ARHGAP12: variants seen among roughly 807,000 people sequenced by gnomAD.
ARHGAP12 encodes the protein rho GTPase-activating protein 12.
Under a neutral mutation model 108.6 loss-of-function variants are expected in ARHGAP12, and 64 were observed. That is an observed-to-expected ratio of 0.59 (90% confidence interval 0.48 to 0.73). The LOEUF (loss-of-function observed/expected upper bound fraction) is 0.73, where lower values mean the gene tolerates loss of function less well. ARHGAP12 is among the 30% of genes least tolerant of loss of function. The pLI, the probability that ARHGAP12 is intolerant of heterozygous loss-of-function variation, is 0.00. For missense variants in ARHGAP12, 940 were observed against 1,005.9 expected, an observed-to-expected ratio of 0.93 and a Z score of 0.89; for synonymous variants, 312 against 337.2, an observed-to-expected ratio of 0.93 and a Z score of 0.82.
chr10:31,822,450 A>C (rs982892243), intron 11 of ARHGAP12, among the ~76,000 whole-genome samples: 2 of 152,242 alleles, frequency 1.3e-5, no homozygotes, highest in African/African-American at 4.8e-5. Context: ...TAATGGAACC[A>C]GACAAGACAA....
intron 3 of ARHGAP12, among the ~76,000 whole-genome samples, chr10:31,870,611 T>C (rs1442128800): frequency 1.3e-5 from 2 of 152,222 alleles, no homozygotes; most frequent in Non-Finnish European, 2.9e-5. Flanking sequence ...AGCAAAAATT[T>C]GTCAATGGGA....
chr10:31,816,562 G>A (rs1835212851), intron 13 of ARHGAP12, among the ~76,000 whole-genome samples: 1 of 152,132 alleles, frequency 6.6e-6, no homozygotes, highest in Non-Finnish European at 1.5e-5. Context: ...ACAGTGAACA[G>A]ACTACTGTGA....
At chr10:31,928,116 C>A (rs1840129516) in intron 1 of ARHGAP12, among the ~76,000 whole-genome samples, 1 of 152,282 alleles carries the variant, frequency 6.6e-6, no homozygotes, top group East Asian at 1.9e-4. Flanking sequence ...GGCCTGCAAG[C>A]CCCACCGCGA....
At chr10:31,849,027 C>T (rs1836571375) in intron 6 of ARHGAP12, among the ~76,000 whole-genome samples, 1 of 151,706 alleles carries the variant, frequency 6.6e-6, no homozygotes, top group Non-Finnish European at 1.5e-5. Flanking sequence ...CACTGCACTC[C>T]AGCCTGGGCG....
At chr10:31,924,906 G>A (rs902199760) in intron 1 of ARHGAP12, among the ~76,000 whole-genome samples, 8 of 152,200 alleles carry the variant, frequency 5.3e-5, no homozygotes, top group Non-Finnish European at 1.2e-4. Flanking sequence ...ACTTTCAGAC[G>A]TCACAGAGTA....
At chr10:31,922,763 C>T (rs1311574820) in intron 1 of ARHGAP12, among the ~76,000 whole-genome samples, 1 of 151,550 alleles carries the variant, frequency 6.6e-6, no homozygotes, top group African/African-American at 2.4e-5. Flanking sequence ...ATAAATCTCT[C>T]AAAAAAAAGT....
intron 3 of ARHGAP12, among the ~76,000 whole-genome samples, chr10:31,906,574 A>T (rs1175679505): frequency 6.6e-6 from 1 of 152,112 alleles, no homozygotes. Flanking sequence ...TTATCTTCTC[A>T]TGAGAGCAGG....
chr10:31,891,259 T>C (rs534650178), intron 3 of ARHGAP12, among the ~76,000 whole-genome samples: 18 of 152,354 alleles, frequency 1.2e-4, no homozygotes, highest in Admixed American at 9.8e-4. Context: ...ACTCTTTCTA[T>C]GAATATATAT....
chr10:31,912,507 T>C (rs562016061), intron 1 of ARHGAP12, among the ~76,000 whole-genome samples: 1 of 152,124 alleles, frequency 6.6e-6, no homozygotes, highest in African/African-American at 2.4e-5. Flanking sequence ...AAGATAAGTA[T>C]GAAGGAGGAG....
rs139244110 is a variant in ARHGAP12 at position 31,871,871 on chromosome 10, G to T, written c.685-10213C>A. ...TGCACAATTAGGAAGTTTATTACAG[G>T]CAAAAGATTTGCCAAAAAGGGAACA... On this transcript the variant is annotated intron_variant, in intron 3 of 19. Transcript: ENST00000344936. 6.6e-5 allele frequency among the ~76,000 whole-genome samples: 10 copies of T among 152,206 alleles called. No individual in the cohort carries two copies. The East Asian group carries it at 1.9e-3, about 29-fold the overall frequency.
rs1273344615 is a variant in ARHGAP12, at chr10:31,807,360, G to C, written c.*298C>G. ...TACAGTTTTCTTACCAAATTATCCAGTGTATATGACTGGTTAGAATTTTAA... is the reference window on the plus strand; with the variant it reads ...TACAGTTTTCTTACCAAATTATCCACTGTATATGACTGGTTAGAATTTTAA... On this transcript the variant is annotated 3_prime_UTR_variant, in exon 20 of 20. Coordinates refer to ENST00000344936, the MANE Select transcript of ARHGAP12 (RefSeq NM_018287.7). 5 of 232,204 alleles carry C rather than the reference G, an allele frequency of 2.2e-5. No homozygotes were observed. In the East Asian group the frequency reaches 4.5e-4, roughly 21 times the overall value. 14.4% of individuals were successfully genotyped at this position (232,204 alleles called of 1,614,324 possible).
Position 31,810,718 on chromosome 10 carries a change from G to A in ARHGAP12, c.1981C>T (p.Leu661=), listed in dbSNP as rs770541966. The part of the protein sequence containing the change: ...DQVFGSNLAN[L]CQRENGTVPK... Reference sequence around the variant, plus strand: ...ACTGTGCCATTCTCTCTCTGACACAGATTAGCGAGATTGGATCCAAATACC... The same window carrying A: ...ACTGTGCCATTCTCTCTCTGACACAAATTAGCGAGATTGGATCCAAATACC... Residue 661 remains leucine (L), a synonymous_variant, in exon 16 of 20, where the codon CTG becomes TTG. Transcript: ENST00000344936. The A allele has an allele frequency of 6.2e-7, 1 of 1,609,118 alleles. No homozygotes were observed. The highest frequency in any genetic ancestry group is 1.1e-5 in the South Asian group (1 of 90,290).
chr10:31,856,598 TA>T (rs1215055655), intron 4 of ARHGAP12, among the ~76,000 whole-genome samples: 3 of 152,272 alleles, frequency 2.0e-5, no homozygotes, highest in Admixed American at 2.0e-4. Context: ...GGGTGGCTTG[TA>T]AAAACTAAAG....
rs61748334 is a variant in ARHGAP12, at chr10:31,908,840, T to C, written c.16A>G (p.Arg6Gly). 5 of 1,591,912 alleles carry C rather than the reference T, an allele frequency of 3.1e-6. No homozygotes were observed. The South Asian group carries it at 5.6e-5, about 18-fold the overall frequency. ...TGTCCTGGAATAATCTTCCCACTTCTGTCAGCCATTTTCATTCAATAATAT... is the reference window on the plus strand; with the variant it reads ...TGTCCTGGAATAATCTTCCCACTTCCGTCAGCCATTTTCATTCAATAATAT... MKMADRSGKIIPGQVY... is the reference protein window; with the variant it reads MKMADGSGKIIPGQVY... The change falls in exon 3 of 20, where the codon AGA becomes GGA. Residue 6 changes from arginine to glycine, a missense_variant. Physicochemically the swap from Arg to Gly is moderately radical, Grantham distance 125. Coordinates refer to ENST00000344936, the MANE Select transcript of ARHGAP12 (RefSeq NM_018287.7).
intron 13 of ARHGAP12, among the ~76,000 whole-genome samples, chr10:31,817,041 G>A (rs946673958): frequency 1.3e-5 from 2 of 152,022 alleles, no homozygotes; most frequent in Non-Finnish European, 2.9e-5. Context: ...GTGAAAAGGA[G>A]AATACAGAGT....
chr10:31,816,257 CAATT>C (rs1835202850), intron 13 of ARHGAP12, among the ~76,000 whole-genome samples: 1 of 150,660 alleles, frequency 6.6e-6, no homozygotes, highest in Non-Finnish European at 1.5e-5. Context: ...CTGTAGGTCT[CAATT>C]AAAAAACAAA....
At position 31,809,323 on chromosome 10, in the gene ARHGAP12, A is replaced by T. The variant is rs1160101338; in HGVS notation, c.2051-16T>A. 1 of 1,610,190 alleles carries T rather than the reference A, an allele frequency of 6.2e-7. No homozygotes were observed. Among genetic ancestry groups the T allele is most frequent in the East Asian group, 2.2e-5 (1 of 44,830 alleles). On this transcript the variant is annotated splice_polypyrimidine_tract_variant and intron_variant, in intron 16 of 19. Transcript: ENST00000344936. ...ATATCCAAACCTAAGAGACAATAAT[A>T]ATTTGTGTGTGTGTGTGTTTAAAGT...
chr10:31,820,458 T>G lies in ARHGAP12; in HGVS notation c.1561A>C (p.Thr521Pro). The G allele has an allele frequency of 6.2e-7, 1 of 1,611,730 alleles. No homozygotes were observed. ...FGSNQSKPEF[T>P]VDLKGATIEM... is the part of the protein sequence containing the mutation. Reference sequence around the variant, plus strand: ...ATTGTTGCCCCCTTGAGGTCCACTGTGAACTCTGGTTTGGACTGATTACTG... The same window carrying G: ...ATTGTTGCCCCCTTGAGGTCCACTGGGAACTCTGGTTTGGACTGATTACTG... The change falls in exon 12 of 20, where the codon ACA (threonine) becomes CCA (proline). Residue 521 changes from threonine (T) to proline (P), a missense_variant. Coordinates refer to ENST00000344936, the MANE Select transcript of ARHGAP12 (RefSeq NM_018287.7).
intron 12 of ARHGAP12, among the ~76,000 whole-genome samples, chr10:31,818,367 C>CT (rs1835285989): frequency 6.6e-6 from 1 of 152,096 alleles, no homozygotes; most frequent in Admixed American, 6.5e-5. Context: ...AATATAATGG[C>CT]TTAGTACAAA....
Sources: allele counts gnomAD v4.1 joint callset (sites outside exome capture counted in the v4.1 genomes callset), GRCh38; gene constraint gnomAD v4.1.1; transcripts MANE v1.5; gene names NCBI Gene and HGNC (gene_info 2026-07-23, HGNC 2026-07-21).